The following ATPAF1 variants were observed in gnomAD, a reference collection of about 807,000 sequenced individuals.
ATPAF1 encodes homolog of yeast ATP11.
In ATPAF1, 26 loss-of-function variants were observed where a neutral mutation model predicts 43.9. The ratio of observed to expected loss-of-function variants is 0.59; its 90% CI spans 0.43 to 0.82. The LOEUF (loss-of-function observed/expected upper bound fraction) is 0.82. ATPAF1 is among the 40% of genes least tolerant of loss of function. The probability of loss-of-function intolerance (pLI) is 0.00; values close to 1 mark genes in which losing one functional copy is unlikely to be tolerated. For synonymous variants in ATPAF1, 157 were observed against 168.0 expected (o/e 0.93, Z 0.50); for missense variants, 366 against 435.0 (o/e 0.84, Z 1.41).
intron 6 of ATPAF1, among the ~76,000 whole-genome samples, chr1:46,651,045 A>G (rs1001019900): frequency 1.7e-4 from 26 of 152,046 alleles, no homozygotes; most frequent in Admixed American, 3.9e-4. Flanking sequence ...CATGTGCACA[A>G]TGTGCAGGTT....
exon 9 of ATPAF1, chr1:46,635,680 C>T: frequency 4.8e-6 from 6 of 1,240,650 alleles, no homozygotes; most frequent in Non-Finnish European, 6.7e-6. Context: ...ACCAACTGCT[C>T]ATTATAAATG....
At position 46,668,219 on chromosome 1, in the gene ATPAF1, C is replaced by A; in HGVS notation, c.104G>T (p.Gly35Val). 1.5e-6 allele frequency: 2 copies of A among 1,374,158 alleles called. No individual in the cohort carries two copies. The highest frequency in any genetic ancestry group is 9.4e-7 in the Non-Finnish European group (1 of 1,063,122). 85.1% of individuals were successfully genotyped at this position (1,374,158 alleles called of 1,614,324 possible). ...CTGCGCGGGTGACACGAGCCCCAGG[C>A]CCAGGGCGCGGCTGCGCACCGCGCA... Residue 35 changes from glycine (G) to valine (V), a missense_variant, in exon 1 of 9, where the codon GGC (glycine) becomes GTC (valine). Gly to Val is a moderately radical substitution (Grantham distance 109). Transcript: ENST00000574428. The surrounding 1 kb of genome is among the most constrained non-coding windows in gnomAD (Gnocchi z 4.4).
exon 3 of ATPAF1, chr1:46,658,692 C>T (rs1277507918): frequency 5.0e-6 from 8 of 1,599,680 alleles, no homozygotes; most frequent in Non-Finnish European, 6.8e-6. Context: ...CCTACCTTGT[C>T]CTTAGTGAAT....
chr1:46,665,205 AG>A, intron 2 of ATPAF1, 50 bp downstream of exon 2: 1 of 1,567,556 alleles, frequency 6.4e-7, no homozygotes, highest in Non-Finnish European at 8.8e-7. Flanking sequence ...GAGGGTAAGG[AG>A]GGTGAAGGAG....
At chr1:46,633,563 A>C (rs4660950), downstream of ATPAF1, 166,070 of 389,680 alleles carry the variant, frequency 0.43, 38,385 homozygotes, top group Non-Finnish European at 0.51. Flanking sequence ...CCAGGGGACA[A>C]ATTTACTGAT....
chr1:46,643,872 A>C (rs1286106152), intron 7 of ATPAF1, among the ~76,000 whole-genome samples: 1 of 152,194 alleles, frequency 6.6e-6, no homozygotes, highest in Non-Finnish European at 1.5e-5. Flanking sequence ...GTGGTTACTA[A>C]ATCTCAAGTC....
exon 9 of ATPAF1, chr1:46,635,242 G>A (rs1181078482): frequency 6.5e-6 from 1 of 153,306 alleles, no homozygotes; most frequent in African/African-American, 2.4e-5. Flanking sequence ...CATCTCTGGG[G>A]GGCATCATCT....
At chr1:46,658,629 G>T in intron 3 of ATPAF1, 58 bp downstream of exon 3, 1 of 1,371,064 alleles carries the variant, frequency 7.3e-7, no homozygotes, top group South Asian at 1.3e-5. Context: ...GCAGCCTCTT[G>T]TTCTAGATGT....
chr1:46,664,405 G>A (rs1676452520), intron 2 of ATPAF1: 1 of 152,700 alleles, frequency 6.5e-6, no homozygotes, highest in African/African-American at 2.4e-5. Flanking sequence ...CAGCTAGTAA[G>A]TGGAAGGGTT....
intron 6 of ATPAF1, among the ~76,000 whole-genome samples, chr1:46,650,760 T>C (rs763032310): frequency 4.7e-5 from 7 of 148,812 alleles, no homozygotes; most frequent in Non-Finnish European, 1.0e-4. Flanking sequence ...TTAAGTGAAA[T>C]AAGCCACGCA....
intron 8 of ATPAF1, among the ~76,000 whole-genome samples, chr1:46,638,756 CCTTTTATTCTCTTGG>C (rs1353736041): frequency 6.6e-6 from 1 of 151,866 alleles, no homozygotes; most frequent in Non-Finnish European, 1.5e-5. Flanking sequence ...TCTCCCCCTG[CCTTTTATTCTCTTGG>C]CTTTCAACAT....
chr1:46,657,183 A>G (rs1040339884), intron 4 of ATPAF1, among the ~76,000 whole-genome samples: 3 of 152,198 alleles, frequency 2.0e-5, no homozygotes, highest in African/African-American at 7.2e-5. Context: ...GAAATAATGC[A>G]TATGAAGCAT....
chr1:46,658,656 CT>C (rs767001560), intron 3 of ATPAF1, 30 bp downstream of exon 3: 22 of 1,555,772 alleles, frequency 1.4e-5, no homozygotes, highest in Admixed American at 7.7e-5. Flanking sequence ...TGACTTCAAG[CT>C]TTTTTTCCTA....
exon 8 of ATPAF1, chr1:46,643,297 C>A: frequency 6.2e-7 from 1 of 1,611,074 alleles, no homozygotes; most frequent in South Asian, 1.1e-5. Context: ...AGCTTCCCCT[C>A]GGGTCTGCAA....
intron 2 of ATPAF1, among the ~76,000 whole-genome samples, chr1:46,663,080 G>C (rs1040235982): frequency 6.6e-6 from 1 of 152,096 alleles, no homozygotes; most frequent in South Asian, 2.1e-4. Context: ...ATGGTTTCCA[G>C]CTTCATCCAT....
chr1:46,633,943 G>A, downstream of ATPAF1: 1 of 418,834 alleles, frequency 2.4e-6, no homozygotes, highest in Non-Finnish European at 4.7e-6. Flanking sequence ...GAAAATGGCA[G>A]GGCAGATAAG....
Position 46,658,674 on chromosome 1 carries a change from A to G in ATPAF1, c.426+13T>C. 1 of 1,583,378 alleles carries G rather than the reference A, an allele frequency of 6.3e-7. No individual in the cohort carries two copies. On this transcript the variant is annotated intron_variant, in intron 3 of 8. Coordinates refer to ENST00000574428, the Ensembl canonical transcript of ATPAF1. ...CTTCAAGCTTTTTTTCCTATATTTA[A>G]TTAGAAACCTACCTTGTCCTTAGTG...
intron 2 of ATPAF1, among the ~76,000 whole-genome samples, chr1:46,661,481 T>C (rs1336631928): frequency 6.6e-6 from 1 of 152,228 alleles, no homozygotes; most frequent in Non-Finnish European, 1.5e-5. Flanking sequence ...ACCTCATGAC[T>C]ACATTAGGTC....
At chr1:46,654,702 C>A (rs560461718) in intron 4 of ATPAF1, among the ~76,000 whole-genome samples, 2 of 151,962 alleles carry the variant, frequency 1.3e-5, no homozygotes, top group Admixed American at 6.6e-5. Flanking sequence ...CCCTCCACCC[C>A]CTGACAGGCC....
Sources: gnomAD v4.1 joint callset for allele counts (sites outside exome capture counted in the v4.1 genomes callset) on GRCh38, gnomAD v4.1.1 for gene constraint, Gnocchi (gnomAD v3.1) non-coding constraint, MANE v1.5 for transcripts, NCBI Gene and HGNC (gene_info 2026-07-23, HGNC 2026-07-21) for gene names.